Variants in SARDH observed in about 807,000 individuals in gnomAD.
SARDH encodes the protein sarcosine dehydrogenase, mitochondrial.
SARDH carries 95 observed loss-of-function variants against 109.1 expected under a neutral mutation model. The ratio of observed to expected loss-of-function variants is 0.87; its 90% CI spans 0.74 to 1.03. The LOEUF is 1.03. Ranked by LOEUF, SARDH falls within the 50% of genes least tolerant of loss-of-function variation. The probability of loss-of-function intolerance (pLI) is 0.00; values close to 1 mark genes in which losing one functional copy is unlikely to be tolerated. For synonymous variants in SARDH, 572 were observed against 534.8 expected, an observed-to-expected ratio of 1.07 and a Z score of -0.96; for missense variants, 1,267 against 1,287.8, an observed-to-expected ratio of 0.98 and a Z score of 0.25.
chr9:133,716,861 T>G (rs1588441250), intron 8 of SARDH, among the ~76,000 whole-genome samples: 1 of 151,976 alleles, frequency 6.6e-6, no homozygotes, highest in Non-Finnish European at 1.5e-5. Context: ...CTGGGAGCGG[T>G]GGGGGCTGGG....
At chr9:133,700,694 C>T (rs1831449753) in intron 13 of SARDH, among the ~76,000 whole-genome samples, 1 of 151,508 alleles carries the variant, frequency 6.6e-6, no homozygotes, top group South Asian at 2.1e-4. Flanking sequence ...CGAATTAGAT[C>T]TCAATAAAGC....
At chr9:133,684,153 G>A (rs995388239) in intron 17 of SARDH, among the ~76,000 whole-genome samples, 2 of 152,226 alleles carry the variant, frequency 1.3e-5, no homozygotes, top group African/African-American at 4.8e-5. Flanking sequence ...CTCAATGGGC[G>A]ATCCTGCCCC....
rs918913162 is a variant in SARDH at position 133,692,888 on chromosome 9, C to T, written c.1921+1370G>A. ...GGAGGGAAGGGGTGGGCGAGCTCTG[C>T]GCACCCCATAGGACCCCTCACTCAC... On this transcript the variant is annotated intron_variant, in intron 15 of 20. Coordinates refer to ENST00000439388, the MANE Select transcript of SARDH (RefSeq NM_001134707.2). The surrounding 1 kb of genome is among the most constrained non-coding windows in gnomAD (Gnocchi z 5.0). Among the ~76,000 whole-genome samples, 20 of 152,268 alleles carry T rather than the reference C, an allele frequency of 1.3e-4. No individual in the cohort carries two copies. The highest frequency in any genetic ancestry group is 1.9e-4 in the Non-Finnish European group (13 of 68,004).
intron 1 of SARDH, among the ~76,000 whole-genome samples, chr9:133,734,655 G>A (rs1192938609): frequency 3.3e-5 from 5 of 152,178 alleles, no homozygotes; most frequent in African/African-American, 4.8e-5. Flanking sequence ...TGGCGTGGCT[G>A]GCAGAGATCC....
chr9:133,733,705 A>T, intron 2 of SARDH, 138 bp downstream of exon 2: 1 of 790,620 alleles, frequency 1.3e-6, no homozygotes, highest in Non-Finnish European at 1.8e-6. Context: ...CCCACCTGCA[A>T]ACTGGCCATG....
chr9:133,738,078 G>A lies in SARDH; in HGVS notation c.-31+176C>T, dbSNP rs952134451. Among the ~76,000 whole-genome samples, 12 of 152,262 alleles carry A rather than the reference G, an allele frequency of 7.9e-5. No individual in the cohort carries two copies. The East Asian group carries it at 9.7e-4, about 12-fold the overall frequency. Reference sequence around the variant, plus strand: ...GGTAGGCAGACTTGTGGGGAGGAGCGGCAGGGGGCGGGGAGGCAGCTGCCC... The same window carrying A: ...GGTAGGCAGACTTGTGGGGAGGAGCAGCAGGGGGCGGGGAGGCAGCTGCCC... On this transcript the variant is annotated intron_variant, in intron 1 of 20. Coordinates refer to ENST00000439388, the MANE Select transcript of SARDH (RefSeq NM_001134707.2).
At chr9:133,721,570 C>T (rs911689186) in intron 6 of SARDH, among the ~76,000 whole-genome samples, 6 of 152,254 alleles carry the variant, frequency 3.9e-5, no homozygotes, top group South Asian at 2.1e-4. Flanking sequence ...GACCATGCAG[C>T]GGTCAGTCCA....
chr9:133,732,639 T>C (rs756579321), intron 2 of SARDH, 38 bp from the exon 3 acceptor site: 1 of 1,558,782 alleles, frequency 6.4e-7, no homozygotes, highest in Non-Finnish European at 8.7e-7. Context: ...CCCCAGGGAG[T>C]GGACTGCACC....
chr9:133,732,395 T>A, intron 3 of SARDH, 28 bp downstream of exon 3: 16 of 237,572 alleles, frequency 6.7e-5, no homozygotes, highest in Non-Finnish European at 1.2e-4. Flanking sequence ...CAAGCCCCCC[T>A]CCTTGCCCCC....
chr9:133,728,834 A>C lies in SARDH; in HGVS notation c.915+931T>G, dbSNP rs1193820822. Among the ~76,000 whole-genome samples the C allele has an allele frequency of 7.8e-5, 11 of 140,346 alleles. No individual in the cohort carries two copies. Among genetic ancestry groups the C allele is most frequent in the African/African-American group, 2.5e-4 (10 of 39,232 alleles). 92.1% of individuals were successfully genotyped at this position (140,346 alleles called of 152,430 possible). Reference sequence around the variant, plus strand: ...GATGCTGAAGGAAGGGCAGAGGGAGAGATGAGTGGCTAGAGGGAGGGAGGG... The same window carrying C: ...GATGCTGAAGGAAGGGCAGAGGGAGCGATGAGTGGCTAGAGGGAGGGAGGG... On this transcript the variant is annotated intron_variant, in intron 6 of 20. Coordinates refer to ENST00000439388, the MANE Select transcript of SARDH (RefSeq NM_001134707.2). The surrounding 1 kb of genome is among the most constrained non-coding windows in gnomAD (Gnocchi z 5.0).
chr9:133,733,791 C>T, intron 2 of SARDH, 52 bp downstream of exon 2: 1 of 1,397,898 alleles, frequency 7.2e-7, no homozygotes, highest in Non-Finnish European at 9.4e-7. Context: ...TGGGCTGTGG[C>T]CCCTCGCTAT....
chr9:133,694,408 G>T, intron 14 of SARDH, 37 bp from the exon 15 acceptor site: 1 of 1,504,946 alleles, frequency 6.6e-7, no homozygotes, highest in Non-Finnish European at 9.0e-7. Flanking sequence ...CTGTGCTGAG[G>T]CCCCAGCCGG....
Position 133,671,589 on chromosome 9 carries a change from G to T in SARDH, c.2272C>A (p.His758Asn). The T allele has an allele frequency of 6.2e-7, 1 of 1,607,414 alleles. No individual in the cohort carries two copies. Among genetic ancestry groups the T allele is most frequent in the East Asian group, 2.2e-5 (1 of 44,704 alleles). The stretch of plus-strand genomic sequence containing the variant: ...CGGTACCCTGCGTTGATGAGGCCGT[G>T]CTTGGCACCCGCGGCCATCACAGCC... ...YRAVMAAGAK[H>N]GLINAGYRAI... Residue 758 changes from histidine (H) to asparagine (N), a missense_variant, in exon 18 of 21, where the codon CAC (histidine) becomes AAC (asparagine). Coordinates refer to ENST00000439388, the MANE Select transcript of SARDH (RefSeq NM_001134707.2).
At chr9:133,674,034 C>T (rs1360721699) in intron 17 of SARDH, among the ~76,000 whole-genome samples, 1 of 152,208 alleles carries the variant, frequency 6.6e-6, no homozygotes. Flanking sequence ...ACGGGGGCCA[C>T]ACCTGCTTCC....
Position 133,720,644 on chromosome 9 carries a change from G to GC in SARDH, c.916-1603_916-1602insG, listed in dbSNP as rs1201011671. Among the ~76,000 whole-genome samples the GC allele has an allele frequency of 5.2e-5, 7 of 135,616 alleles. No individual in the cohort carries two copies. In the South Asian group the frequency reaches 1.5e-3, roughly 28 times the overall value. 89.0% of individuals were successfully genotyped at this position (135,616 alleles called of 152,430 possible). On this transcript the variant is annotated intron_variant, in intron 6 of 20. Coordinates refer to ENST00000439388, the MANE Select transcript of SARDH (RefSeq NM_001134707.2). ...AAAGGCATGTCTTACATGGCAGCAG[G>GC]AAAGAGAGAGAGAGCATGTGCAGGG...
chr9:133,735,619 G>C (rs9409853), intron 1 of SARDH, among the ~76,000 whole-genome samples: 2,575 of 152,312 alleles, frequency 0.017, 61 homozygotes, highest in East Asian at 0.085. Flanking sequence ...AACTGAGCTC[G>C]TTCAAGCAAA....
intron 8 of SARDH, among the ~76,000 whole-genome samples, chr9:133,716,516 A>G (rs1056506268): frequency 6.6e-6 from 1 of 151,546 alleles, no homozygotes; most frequent in East Asian, 1.9e-4. Context: ...TCAGCCCCAC[A>G]CCCGCCCCCT....
intron 17 of SARDH, among the ~76,000 whole-genome samples, 155 bp downstream of exon 17, chr9:133,685,038 C>T (rs932174253): frequency 4.6e-5 from 7 of 152,168 alleles, no homozygotes; most frequent in Non-Finnish European, 1.0e-4. Context: ...GTAGGAGGGC[C>T]GCCTGGTCCC....
At chr9:133,710,079 A>G (rs1831858222) in intron 10 of SARDH, among the ~76,000 whole-genome samples, 1 of 152,188 alleles carries the variant, frequency 6.6e-6, no homozygotes, top group African/African-American at 2.4e-5. Flanking sequence ...CTTTTCACTT[A>G]AATAAAGAGC....
Sources: allele counts gnomAD v4.1 joint callset (sites outside exome capture counted in the v4.1 genomes callset), GRCh38; gene constraint gnomAD v4.1.1; non-coding constraint Gnocchi (gnomAD v3.1); transcripts MANE v1.5; gene names NCBI Gene and HGNC (gene_info 2026-07-23, HGNC 2026-07-21).